Variants in PAX4 observed in about 807,000 individuals in gnomAD.
PAX4 encodes paired box protein Pax-4.
PAX4 carries 33 observed loss-of-function variants against 40.6 expected under a neutral mutation model. The ratio of observed to expected loss-of-function variants is 0.81; its 90% CI spans 0.62 to 1.09. The LOEUF is 1.09. Among genes scored for constraint, PAX4 ranks in the 50% least tolerant of loss-of-function variants. The pLI is 0.00. For synonymous variants in PAX4, 174 were observed against 170.6 expected (o/e 1.02, Z -0.16); for missense variants, 459 against 442.5 (o/e 1.04, Z -0.33).
At position 127,611,118 on chromosome 7, in the gene PAX4, A is replaced by T; in HGVS notation, c.1002T>A (p.Ser334Arg). 1.2e-6 allele frequency: 2 copies of T among 1,608,058 alleles called. No homozygotes were observed. The highest frequency in any genetic ancestry group is 8.5e-7 in the Non-Finnish European group (1 of 1,176,906). Residue 334 changes from serine to arginine, a missense_variant, in exon 12 of 12, where the codon AGT becomes AGA. Transcript: ENST00000639438. The stretch of plus-strand genomic sequence containing the variant: ...CAGGCCAGAGCAGGGCCTGAGAGCC[A>T]CTAAGACTGGCCAGGTGACAGTGGG... ...PSSHCHLASLSGSQALLWPGC... is the reference protein window; with the variant it reads ...PSSHCHLASLRGSQALLWPGC...
chr7:127,615,968 T>C lies in PAX4; in HGVS notation c.-40A>G. 1.3e-6 allele frequency: 2 copies of C among 1,535,444 alleles called. No homozygotes were observed. The highest frequency in any genetic ancestry group is 1.7e-6 in the Non-Finnish European group (2 of 1,146,484). Reference sequence around the variant, plus strand: ...CTCCTCAGAAGGATGAGACTCCAGCTGGGAAGGCTGGGAAGGGAAGTTCCT... The same window carrying C: ...CTCCTCAGAAGGATGAGACTCCAGCCGGGAAGGCTGGGAAGGGAAGTTCCT... On this transcript the variant is annotated 5_prime_UTR_variant, in exon 3 of 12. Transcript: ENST00000639438.
chr7:127,614,235 C>T (rs1267052040), intron 6 of PAX4, among the ~76,000 whole-genome samples: 1 of 151,992 alleles, frequency 6.6e-6, no homozygotes, highest in Non-Finnish European at 1.5e-5. Context: ...ATCCTGTGAA[C>T]CCAGGGGCTA....
chr7:127,616,465 G>A (rs369037058), intron 2 of PAX4, among the ~76,000 whole-genome samples: 1 of 152,128 alleles, frequency 6.6e-6, no homozygotes, highest in Admixed American at 6.5e-5. Flanking sequence ...GGCAGTCCTC[G>A]GTTGGGCTCT....
In PAX4 at chr7:127,610,829, T is replaced by G; in HGVS notation, c.*235A>C. ...TGCTAATAAAAACAGCTTTTATTAC[T>G]GCTGAGTGGAGGCCTCTTAAGGCTA... On this transcript the variant is annotated 3_prime_UTR_variant, in exon 12 of 12. Transcript: ENST00000639438. The G allele has an allele frequency of 6.6e-7, 1 of 1,518,904 alleles. No individual in the cohort carries two copies. Among genetic ancestry groups the G allele is most frequent in the Non-Finnish European group, 8.8e-7 (1 of 1,130,652 alleles). 94.1% of individuals were successfully genotyped at this position (1,518,904 alleles called of 1,614,324 possible). A position where few individuals can be genotyped will look rare whatever the true frequency, so the allele number is the denominator to read the frequency against.
chr7:127,611,095 G>A lies in PAX4; in HGVS notation c.1025C>T (p.Pro342Leu), dbSNP rs1794616683. The change falls in exon 12 of 12, where the codon CCT becomes CTT. Residue 342 changes from proline (P) to leucine (L), a missense_variant. By Grantham distance (98) the Pro-to-Leu change is moderately conservative. Transcript: ENST00000639438. The part of the protein sequence containing the change: ...SLSGSQALLW[P>L]GCPLLYGLE Reference sequence around the variant, plus strand: ...CAAGCCATACAGTAGTGGGCAGCCAGGCCAGAGCAGGGCCTGAGAGCCACT... The same window carrying A: ...CAAGCCATACAGTAGTGGGCAGCCAAGCCAGAGCAGGGCCTGAGAGCCACT... 1.2e-6 allele frequency: 2 copies of A among 1,607,490 alleles called. No homozygotes were observed. Among genetic ancestry groups the A allele is most frequent in the Non-Finnish European group, 1.7e-6 (2 of 1,176,506 alleles).
intron 4 of PAX4, 80 bp from the exon 5 acceptor site, chr7:127,615,175 A>T (rs1038585161): frequency 2.8e-5 from 45 of 1,609,752 alleles, no homozygotes; most frequent in Non-Finnish European, 3.7e-5. Context: ...GGAGGAGGCT[A>T]TAAGACAAAG....
At position 127,610,967 on chromosome 7, in the gene PAX4, A is replaced by G. The variant is rs1270618348; in HGVS notation, c.*97T>C. On this transcript the variant is annotated 3_prime_UTR_variant, in exon 12 of 12. Coordinates refer to ENST00000639438, the MANE Select transcript of PAX4 (RefSeq NM_001366110.1). ...CACACAGGAGGGAGCAATCACAGGA[A>G]GGAGGAAGGAGCCACAGTCTGTATG... 6.4e-7 allele frequency: 1 copy of G among 1,551,428 alleles called. No homozygotes were observed.
intron 3 of PAX4, 177 bp downstream of exon 3, chr7:127,615,739 A>G (rs1794715073): frequency 6.7e-7 from 1 of 1,497,668 alleles, no homozygotes. Flanking sequence ...CCTTGCCCAT[A>G]CCCGCCAACT....
chr7:127,614,602 A>G (rs1370369130), intron 5 of PAX4, 45 bp from the exon 6 acceptor site: 1 of 1,478,094 alleles, frequency 6.8e-7, no homozygotes, highest in Admixed American at 1.9e-5. Flanking sequence ...GCTCAGACTC[A>G]GGGCTATACC....
chr7:127,614,813 A>G (rs1587551547), intron 5 of PAX4, 67 bp downstream of exon 5: 1 of 1,564,050 alleles, frequency 6.4e-7, no homozygotes, highest in Non-Finnish European at 8.7e-7. Flanking sequence ...GCCAAATAAG[A>G]AAGGTTCTTT....
rs68012321 is a variant in PAX4, at chr7:127,612,467, GTGGATGGATGGATGGATGGA to G, written c.716-487_716-468del. The stretch of plus-strand genomic sequence containing the variant: ...CATGGATGGATGCATGAATGAATGG[GTGGATGGATGGATGGATGGA>G]TGGATGGATGGATGGATGGATGGAT... On this transcript the variant is annotated intron_variant, in intron 9 of 11. Coordinates refer to ENST00000639438, the MANE Select transcript of PAX4 (RefSeq NM_001366110.1). Among the ~76,000 whole-genome samples, 8 of 141,836 alleles carry G rather than the reference GTGGATGGATGGATGGATGGA, an allele frequency of 5.6e-5. No individual in the cohort carries two copies. The East Asian group carries it at 6.5e-4, about 11-fold the overall frequency. 93.0% of individuals were successfully genotyped at this position (141,836 alleles called of 152,430 possible). A position where few individuals can be genotyped will look rare whatever the true frequency, so the allele number is the denominator to read the frequency against.
In PAX4 at chr7:127,613,783, G is replaced by T. The variant is rs954707239; in HGVS notation, c.535C>A (p.Pro179Thr). ...TTCTCCAGTGCCTCTGCTTGGCTTGGGGAGAAGATAGTCCGATTCCGGTGG... is the reference window on the plus strand; with the variant it reads ...TTCTCCAGTGCCTCTGCTTGGCTTGTGGAGAAGATAGTCCGATTCCGGTGG... ...TGHRNRTIFS[P>T]SQAEALEKEF... The change falls in exon 7 of 12, where the codon CCA (proline) becomes ACA (threonine). Residue 179 changes from proline (P) to threonine (T), a missense_variant. Pro to Thr is a conservative substitution (Grantham distance 38, BLOSUM62 -1). Coordinates refer to ENST00000639438, the MANE Select transcript of PAX4 (RefSeq NM_001366110.1). 5.6e-6 allele frequency: 9 copies of T among 1,614,004 alleles called. No homozygotes were observed. The highest frequency in any genetic ancestry group is 7.6e-6 in the Non-Finnish European group (9 of 1,179,994).
At chr7:127,614,792 A>T in intron 5 of PAX4, 88 bp downstream of exon 5, 2 of 1,529,336 alleles carry the variant, frequency 1.3e-6, no homozygotes, top group Non-Finnish European at 1.8e-6. Context: ...CCAGCTTGGG[A>T]TGCCCACATT....
chr7:127,613,298 G>A, intron 8 of PAX4, 152 bp downstream of exon 8: 1 of 867,386 alleles, frequency 1.2e-6, no homozygotes, highest in Non-Finnish European at 1.9e-6. Flanking sequence ...TCAGCAGAAG[G>A]TGAACAAGGA....
At position 127,610,884 on chromosome 7, in the gene PAX4, C is replaced by T; in HGVS notation, c.*180G>A. On this transcript the variant is annotated 3_prime_UTR_variant, in exon 12 of 12. Coordinates refer to ENST00000639438, the MANE Select transcript of PAX4 (RefSeq NM_001366110.1). Reference sequence around the variant, plus strand: ...GAGAAGTGGGTGGGTGTTGCTTTACCAGCCCCTCCAATCAGGTGATGCGCC... The same window carrying T: ...GAGAAGTGGGTGGGTGTTGCTTTACTAGCCCCTCCAATCAGGTGATGCGCC... The T allele has an allele frequency of 6.5e-7, 1 of 1,541,232 alleles. No homozygotes were observed. Among genetic ancestry groups the T allele is most frequent in the Non-Finnish European group, 8.7e-7 (1 of 1,146,916 alleles).
chr7:127,612,366 C>G (rs1379490668), intron 9 of PAX4, among the ~76,000 whole-genome samples: 1 of 148,060 alleles, frequency 6.8e-6, no homozygotes, highest in East Asian at 2.0e-4. Context: ...TGGATGGATG[C>G]ATGGGTGCAT....
intron 7 of PAX4, 44 bp from the exon 8 acceptor site, chr7:127,613,576 G>A: frequency 6.2e-7 from 1 of 1,600,288 alleles, no homozygotes; most frequent in Non-Finnish European, 8.6e-7. Context: ...CGGGAGAGGA[G>A]CAAGGCATGG....
At position 127,613,787 on chromosome 7, in the gene PAX4, G is replaced by T. The variant is rs1417585145; in HGVS notation, c.531C>A (p.Phe177Leu). The T allele has an allele frequency of 6.2e-7, 1 of 1,613,950 alleles. No individual in the cohort carries two copies. Among genetic ancestry groups the T allele is most frequent in the Non-Finnish European group, 8.5e-7 (1 of 1,180,028 alleles). The change falls in exon 7 of 12, where the codon TTC becomes TTA. Residue 177 changes from phenylalanine (F) to leucine (L), a missense_variant. Phe to Leu is a conservative substitution (Grantham distance 22). Coordinates refer to ENST00000639438, the MANE Select transcript of PAX4 (RefSeq NM_001366110.1). ...PGTGHRNRTI[F>L]SPSQAEALEK... The stretch of plus-strand genomic sequence containing the variant: ...CCAGTGCCTCTGCTTGGCTTGGGGA[G>T]AAGATAGTCCGATTCCGGTGGCCGG...
intron 3 of PAX4, 78 bp from the exon 4 acceptor site, chr7:127,615,609 C>G: frequency 1.2e-6 from 2 of 1,607,892 alleles, no homozygotes; most frequent in Non-Finnish European, 1.7e-6. Context: ...ACTCAGGCCC[C>G]TCCAGCCTGG....
Sources: allele counts gnomAD v4.1 joint callset (sites outside exome capture counted in the v4.1 genomes callset), GRCh38; gene constraint gnomAD v4.1.1; transcripts MANE v1.5; gene names NCBI Gene and HGNC (gene_info 2026-07-23, HGNC 2026-07-21).